The following AP1B1 variants were observed in gnomAD, a reference collection of about 807,000 sequenced individuals.
The protein encoded by AP1B1 is AP-1 complex subunit beta-1.
A neutral mutation model predicts 104.3 loss-of-function variants in AP1B1; 36 were observed. That is an observed-to-expected ratio of 0.35 (90% confidence interval 0.26 to 0.46). The LOEUF (loss-of-function observed/expected upper bound fraction) is 0.46. Among genes scored for constraint, AP1B1 ranks in the 20% least tolerant of loss-of-function variants. The pLI, the probability that AP1B1 is intolerant of heterozygous loss-of-function variation, is 1.00. For synonymous variants in AP1B1, 504 were observed against 517.5 expected (o/e 0.97, Z 0.35); for missense variants, 901 against 1,247.9 (o/e 0.72, Z 4.19).
intron 2 of AP1B1, among the ~76,000 whole-genome samples, chr22:29,365,510 A>C (rs1045071046): frequency 3.3e-5 from 5 of 151,968 alleles, no homozygotes; most frequent in South Asian, 4.1e-4. Flanking sequence ...ACAAACAACA[A>C]AACCCACCCC....
chr22:29,356,739 G>T, intron 5 of AP1B1, 123 bp from the exon 6 acceptor site: 1 of 959,796 alleles, frequency 1.0e-6, no homozygotes, highest in Non-Finnish European at 1.5e-6. Context: ...CCAATGGGCA[G>T]GGTCTGGAGC....
intron 21 of AP1B1, 66 bp downstream of exon 21, chr22:29,330,312 G>A (rs367607042): frequency 1.7e-5 from 27 of 1,600,716 alleles, no homozygotes; most frequent in Middle Eastern, 1.6e-4. Context: ...CCTCCACCAG[G>A]GCCACCCCCT....
chr22:29,360,550 C>G (rs765461038), intron 3 of AP1B1, among the ~76,000 whole-genome samples: 11 of 152,176 alleles, frequency 7.2e-5, no homozygotes, highest in Non-Finnish European at 1.6e-4. Context: ...CGGTAAGAAC[C>G]AGCACAGCAT....
chr22:29,363,404 C>G (rs146541795), intron 2 of AP1B1, among the ~76,000 whole-genome samples: 1 of 152,198 alleles, frequency 6.6e-6, no homozygotes, highest in Non-Finnish European at 1.5e-5. Flanking sequence ...AATCCCAGCA[C>G]TTTGGGAGTC....
At chr22:29,331,426 C>T (rs1261195870) in intron 19 of AP1B1, 23 bp downstream of exon 19, 2 of 1,612,960 alleles carry the variant, frequency 1.2e-6, no homozygotes, top group South Asian at 2.2e-5. Flanking sequence ...TCAGGCACCC[C>T]AGCGGGCTCC....
At chr22:29,359,041 C>G in intron 4 of AP1B1, 70 bp from the exon 5 acceptor site, 2 of 1,468,738 alleles carry the variant, frequency 1.4e-6, no homozygotes, top group East Asian at 2.4e-5. Context: ...TTCTCCCTGG[C>G]CTGCAGCTCT....
chr22:29,338,059 G>A (rs1422488569), intron 16 of AP1B1, among the ~76,000 whole-genome samples: 1 of 152,210 alleles, frequency 6.6e-6, no homozygotes, highest in Non-Finnish European at 1.5e-5. Context: ...TCTTGGGGGT[G>A]TGCCCTAGGT....
chr22:29,374,936 T>C (rs543289369), intron 1 of AP1B1, among the ~76,000 whole-genome samples: 3 of 152,244 alleles, frequency 2.0e-5, no homozygotes, highest in South Asian at 2.1e-4. Context: ...GTGGTGAGGA[T>C]AGTTTGAGCC....
intron 7 of AP1B1, among the ~76,000 whole-genome samples, 191 bp from the exon 8 acceptor site, chr22:29,352,016 G>A (rs2147983606): frequency 6.6e-6 from 1 of 152,366 alleles, no homozygotes; most frequent in South Asian, 2.1e-4. Context: ...GGCTGTGACT[G>A]CTCCTGTGTG....
rs1284217414 is a variant in AP1B1, at chr22:29,359,526, G to C, written c.279+298C>G. On this transcript the variant is annotated intron_variant, in intron 4 of 22. Coordinates refer to ENST00000357586, the MANE Select transcript of AP1B1 (RefSeq NM_001127.4). Reference sequence around the variant, plus strand: ...CTGTAAGGGCAACAGAGAAGCTCTCGGGCACCTGCTGATTCCTGCCCTAGC... The same window carrying C: ...CTGTAAGGGCAACAGAGAAGCTCTCCGGCACCTGCTGATTCCTGCCCTAGC... 4 of 324,324 alleles carry C rather than the reference G, an allele frequency of 1.2e-5. No individual in the cohort carries two copies. The Admixed American group carries it at 1.8e-4, about 15-fold the overall frequency. 20.1% of individuals were successfully genotyped at this position (324,324 alleles called of 1,614,324 possible).
At chr22:29,367,166 G>C (rs1254962483) in intron 2 of AP1B1, 41 bp downstream of exon 2, 1 of 1,598,248 alleles carries the variant, frequency 6.3e-7, no homozygotes, top group African/African-American at 1.3e-5. Context: ...GGGACAGGAA[G>C]AGAAAGCATA....
At chr22:29,334,802 C>T (rs989849538) in intron 16 of AP1B1, among the ~76,000 whole-genome samples, 2 of 152,206 alleles carry the variant, frequency 1.3e-5, no homozygotes, top group Admixed American at 6.5e-5. Flanking sequence ...AGCTCAGTGC[C>T]CAATGGCATC....
At chr22:29,381,473 G>T (rs562306965) in intron 1 of AP1B1, among the ~76,000 whole-genome samples, 11 of 152,044 alleles carry the variant, frequency 7.2e-5, no homozygotes, top group South Asian at 2.1e-4. Flanking sequence ...CTCTCTTCTT[G>T]GGCAAATTTC....
intron 16 of AP1B1, among the ~76,000 whole-genome samples, chr22:29,337,578 G>A (rs570571586): frequency 6.6e-6 from 1 of 152,164 alleles, no homozygotes; most frequent in Non-Finnish European, 1.5e-5. Flanking sequence ...AGAAGAGAGA[G>A]GGGAGCTCTG....
intron 10 of AP1B1, 130 bp from the exon 11 acceptor site, chr22:29,349,513 G>C (rs2061841156): frequency 2.1e-6 from 2 of 937,946 alleles, no homozygotes; most frequent in Non-Finnish European, 3.1e-6. Flanking sequence ...AAGGGGATCT[G>C]AGTTTTGTTT....
intron 1 of AP1B1, among the ~76,000 whole-genome samples, chr22:29,379,665 G>C (rs2062406446): frequency 6.6e-6 from 1 of 152,212 alleles, no homozygotes; most frequent in African/African-American, 2.4e-5. Flanking sequence ...CTCCAGAGGA[G>C]GAGGGTTCTG....
intron 16 of AP1B1, among the ~76,000 whole-genome samples, chr22:29,338,231 C>T (rs1403367095): frequency 6.6e-6 from 1 of 152,258 alleles, no homozygotes; most frequent in Non-Finnish European, 1.5e-5. Flanking sequence ...CCTGAGACTT[C>T]CAGGAACACA....
At position 29,340,772 on chromosome 22, in the gene AP1B1, G is replaced by C. The variant is rs747670575; in HGVS notation, c.1882C>G (p.Leu628Val). 6.3e-7 allele frequency: 1 copy of C among 1,599,588 alleles called. No individual in the cohort carries two copies. Among genetic ancestry groups the C allele is most frequent in the Non-Finnish European group, 8.5e-7 (1 of 1,174,330 alleles). ...TCCAGGTTGAGGAGGTCACCCAGCA[G>C]GTCGCCCTGGGCGGGGATGACATCT... ...QPDVIPAQGD[L>V]LGDLLNLDLG... The change falls in exon 14 of 23, where the codon CTG becomes GTG. Residue 628 changes from leucine (L) to valine (V), a missense_variant. By Grantham distance (32) the Leu-to-Val change is conservative. Coordinates refer to ENST00000357586, the MANE Select transcript of AP1B1 (RefSeq NM_001127.4).
chr22:29,352,069 C>T (rs2061884642), intron 7 of AP1B1, among the ~76,000 whole-genome samples: 3 of 152,200 alleles, frequency 2.0e-5, no homozygotes, highest in South Asian at 2.1e-4. Context: ...CAGTGAGAGA[C>T]GGCTCACTCA....
Sources: allele counts gnomAD v4.1 joint callset (sites outside exome capture counted in the v4.1 genomes callset), GRCh38; gene constraint gnomAD v4.1.1; transcripts MANE v1.5; gene names NCBI Gene and HGNC (gene_info 2026-07-23, HGNC 2026-07-21).